The following TMTC2 variants were observed in gnomAD, a reference collection of about 807,000 sequenced individuals.
The protein encoded by TMTC2 is protein O-mannosyl-transferase TMTC2.
In TMTC2, 43 loss-of-function variants were observed where a neutral mutation model predicts 82.4. That is an observed-to-expected ratio of 0.52 (90% confidence interval 0.41 to 0.67). The LOEUF (loss-of-function observed/expected upper bound fraction) is 0.67. Ranked by LOEUF, TMTC2 falls within the 30% of genes least tolerant of loss-of-function variation. The pLI, the probability that TMTC2 is intolerant of heterozygous loss-of-function variation, is 0.00. For synonymous variants in TMTC2, 408 were observed against 381.9 expected (o/e 1.07, Z -0.80); for missense variants, 919 against 1,012.4 (o/e 0.91, Z 1.25).
intron 1 of TMTC2, among the ~76,000 whole-genome samples, chr12:82,829,273 T>G (rs1342314982): frequency 1.3e-5 from 2 of 152,216 alleles, no homozygotes; most frequent in Non-Finnish European, 2.9e-5. Flanking sequence ...CTTGAGTTAC[T>G]TTCATGGTAA....
intron 1 of TMTC2, among the ~76,000 whole-genome samples, chr12:82,695,304 T>A (rs1172324748): frequency 6.6e-6 from 1 of 152,246 alleles, no homozygotes; most frequent in Non-Finnish European, 1.5e-5. Context: ...CTGTGTCTTA[T>A]GAAATTCTGT....
At chr12:82,989,081 A>G (rs1229308292) in intron 8 of TMTC2, among the ~76,000 whole-genome samples, 1 of 151,764 alleles carries the variant, frequency 6.6e-6, no homozygotes, top group Non-Finnish European at 1.5e-5. Flanking sequence ...CATTTTATGA[A>G]GCAGGATGTC....
At chr12:82,711,686 A>C (rs1389618065) in intron 1 of TMTC2, among the ~76,000 whole-genome samples, 1 of 152,236 alleles carries the variant, frequency 6.6e-6, no homozygotes, top group Non-Finnish European at 1.5e-5. Flanking sequence ...GGACAATCTG[A>C]GAAGTAACTA....
Position 82,931,850 on chromosome 12 carries a change from G to A in TMTC2, c.1598+1305G>A, listed in dbSNP as rs1682571. On this transcript the variant is annotated intron_variant, in intron 4 of 11. Coordinates refer to ENST00000321196, the MANE Select transcript of TMTC2 (RefSeq NM_152588.3). ...TGTATTAATCCCGGAAAAAGTTGTT[G>A]GACTGACCCTCCTGCAGTTCTGTGC... 6.5e-3 allele frequency among the ~76,000 whole-genome samples: 991 copies of A among 152,124 alleles called. 12 individuals are homozygous for A. Among genetic ancestry groups the A allele is most frequent in the African/African-American group, 0.023 (955 of 41,494 alleles).
At chr12:83,026,920 A>G (rs1278546160) in intron 8 of TMTC2, among the ~76,000 whole-genome samples, 1 of 152,130 alleles carries the variant, frequency 6.6e-6, no homozygotes, top group East Asian at 1.9e-4. Flanking sequence ...TACTGATCCC[A>G]TGATATAGAT....
intron 11 of TMTC2, among the ~76,000 whole-genome samples, chr12:83,092,298 C>A (rs1225822973): frequency 6.6e-6 from 1 of 152,182 alleles, no homozygotes; most frequent in African/African-American, 2.4e-5. Flanking sequence ...CTCCTCCTAC[C>A]ATGTTGGCAT....
At chr12:83,026,836 CTCAGCTGCGCACCTG>C (rs1881204003) in intron 8 of TMTC2, among the ~76,000 whole-genome samples, 2 of 151,864 alleles carry the variant, frequency 1.3e-5, no homozygotes, top group Non-Finnish European at 2.9e-5. Flanking sequence ...TGTACATCCA[CTCAGCTGCGCACCTG>C]AGCTGAACAG....
At chr12:83,027,759 A>G (rs1016632232) in intron 8 of TMTC2, among the ~76,000 whole-genome samples, 2 of 152,232 alleles carry the variant, frequency 1.3e-5, no homozygotes, top group African/African-American at 2.4e-5. Context: ...CATCTAGGAA[A>G]GCATGAGACT....
At chr12:82,781,609 A>G (rs541733518) in intron 1 of TMTC2, among the ~76,000 whole-genome samples, 28 of 151,774 alleles carry the variant, frequency 1.8e-4, no homozygotes, top group African/African-American at 6.5e-4. Context: ...CCAGGACAGA[A>G]GTGATTACTA....
At chr12:83,054,396 T>G (rs923426915) in intron 10 of TMTC2, among the ~76,000 whole-genome samples, 1 of 152,032 alleles carries the variant, frequency 6.6e-6, no homozygotes, top group Non-Finnish European at 1.5e-5. Context: ...AATGAGCTAA[T>G]AATTTAACTA....
intron 1 of TMTC2, among the ~76,000 whole-genome samples, chr12:82,737,156 A>G (rs903833553): frequency 6.6e-6 from 1 of 152,206 alleles, no homozygotes; most frequent in Admixed American, 6.5e-5. Flanking sequence ...TTTTCTTTAT[A>G]CAATTTTAAC....
At chr12:82,790,249 C>G (rs1369263679) in intron 1 of TMTC2, among the ~76,000 whole-genome samples, 1 of 150,548 alleles carries the variant, frequency 6.6e-6, no homozygotes, top group Non-Finnish European at 1.5e-5. Flanking sequence ...CTTTCAGATG[C>G]TGAGCCCAGG....
intron 1 of TMTC2, among the ~76,000 whole-genome samples, chr12:82,728,189 G>A (rs1382298887): frequency 6.6e-6 from 1 of 151,942 alleles, no homozygotes; most frequent in African/African-American, 2.4e-5. Flanking sequence ...TAGGGTGCCT[G>A]GTTCTCTGCT....
intron 8 of TMTC2, among the ~76,000 whole-genome samples, chr12:82,996,582 G>C (rs1466415117): frequency 1.3e-5 from 2 of 152,198 alleles, no homozygotes; most frequent in Non-Finnish European, 2.9e-5. Flanking sequence ...ACCTGTGGTA[G>C]AAGACCTCAA....
chr12:82,883,373 TATTA>T (rs564404997), intron 2 of TMTC2, among the ~76,000 whole-genome samples: 15 of 152,224 alleles, frequency 9.9e-5, no homozygotes, highest in Non-Finnish European at 2.2e-4. Flanking sequence ...CATGTATGTT[TATTA>T]AGTTCTATTT....
chr12:82,927,923 C>T (rs1200951922), intron 3 of TMTC2, among the ~76,000 whole-genome samples: 1 of 152,064 alleles, frequency 6.6e-6, no homozygotes, highest in African/African-American at 2.4e-5. Flanking sequence ...CTTTTATACA[C>T]ACTAGAAAAC....
intron 1 of TMTC2, among the ~76,000 whole-genome samples, chr12:82,764,974 C>G (rs534471549): frequency 5.5e-5 from 8 of 145,128 alleles, no homozygotes; most frequent in South Asian, 4.5e-4. Flanking sequence ...GTCTGGTGGG[C>G]GGGGGGGTGA....
At chr12:82,856,892 C>A in intron 1 of TMTC2, 118 bp from the exon 2 acceptor site, 1 of 970,542 alleles carries the variant, frequency 1.0e-6, no homozygotes, top group East Asian at 2.4e-5. Context: ...TGCCTGGAAT[C>A]CCATCACAAA....
At chr12:82,735,495 G>A (rs542374522) in intron 1 of TMTC2, among the ~76,000 whole-genome samples, 276 of 151,784 alleles carry the variant, frequency 1.8e-3, no homozygotes, top group Non-Finnish European at 3.4e-3. Flanking sequence ...ACAGGCGCCC[G>A]CCACCACGCC....
Sources: gnomAD v4.1 joint callset for allele counts (sites outside exome capture counted in the v4.1 genomes callset) on GRCh38, gnomAD v4.1.1 for gene constraint, MANE v1.5 for transcripts, NCBI Gene and HGNC (gene_info 2026-07-23, HGNC 2026-07-21) for gene names.